Variants in ANKFN1 observed in about 807,000 individuals in gnomAD.
The protein encoded by ANKFN1 is ankyrin repeat and fibronectin type-III domain-containing protein 1.
A neutral mutation model predicts 108.7 loss-of-function variants in ANKFN1; 74 were observed. That is an observed-to-expected ratio of 0.68 (90% confidence interval 0.56 to 0.83). The LOEUF is 0.83. Among genes scored for constraint, ANKFN1 ranks in the 40% least tolerant of loss-of-function variants. ANKFN1 has a pLI of 0.00. For synonymous variants in ANKFN1, 547 were observed against 516.2 expected, an observed-to-expected ratio of 1.06 and a Z score of -0.81; for missense variants, 1,505 against 1,382.3, an observed-to-expected ratio of 1.09 and a Z score of -1.41.
chr17:56,495,266 G>C (rs764765304), intron 19 of ANKFN1, among the ~76,000 whole-genome samples: 1 of 152,070 alleles, frequency 6.6e-6, no homozygotes, highest in East Asian at 1.9e-4. Flanking sequence ...TAACTTCACT[G>C]AGTGGAGACA....
At chr17:56,317,253 A>C (rs28624210) in intron 3 of ANKFN1, among the ~76,000 whole-genome samples, 1 of 152,198 alleles carries the variant, frequency 6.6e-6, no homozygotes, top group Non-Finnish European at 1.5e-5. Context: ...TTTAAAAAAG[A>C]AAAAAGCCAG....
At chr17:56,194,541 A>C (rs1331196001) in intron 1 of ANKFN1, among the ~76,000 whole-genome samples, 1 of 152,212 alleles carries the variant, frequency 6.6e-6, no homozygotes, top group East Asian at 1.9e-4. Context: ...TTTCTGGAAA[A>C]GGCCGAACTA....
At chr17:56,086,405 CA>C (rs1905315123) in intron 4 of ANKFN1, among the ~76,000 whole-genome samples, 1 of 151,272 alleles carries the variant, frequency 6.6e-6, no homozygotes, top group Admixed American at 6.6e-5. Flanking sequence ...AACTCCATCT[CA>C]AAAATCAAAT....
intron 8 of ANKFN1, among the ~76,000 whole-genome samples, chr17:56,394,990 A>C (rs1310523696): frequency 6.6e-6 from 1 of 152,196 alleles, no homozygotes; most frequent in East Asian, 1.9e-4. Flanking sequence ...AATCACCCTC[A>C]AGTCTGGAAG....
intron 16 of ANKFN1, among the ~76,000 whole-genome samples, chr17:56,478,536 T>C (rs923500531): frequency 9.2e-5 from 14 of 152,310 alleles, no homozygotes; most frequent in Non-Finnish European, 1.5e-4. Flanking sequence ...TCTGGAAACT[T>C]GCTCTACAGT....
chr17:56,467,001 C>G (rs1339263474), intron 15 of ANKFN1, among the ~76,000 whole-genome samples: 3 of 152,062 alleles, frequency 2.0e-5, no homozygotes, highest in Non-Finnish European at 2.9e-5. Context: ...CTTATAATCT[C>G]AGCTGCTTGG....
intron 8 of ANKFN1, among the ~76,000 whole-genome samples, chr17:56,411,672 A>C (rs918131939): frequency 3.3e-5 from 5 of 151,996 alleles, no homozygotes; most frequent in Non-Finnish European, 5.9e-5. Flanking sequence ...TTCTATACTG[A>C]TTTTGTGGAG....
intron 8 of ANKFN1, among the ~76,000 whole-genome samples, chr17:56,434,338 T>C (rs571273698): frequency 4.7e-5 from 7 of 148,130 alleles, no homozygotes; most frequent in Non-Finnish European, 5.9e-5. Context: ...TTTGCTTTAA[T>C]CTTCTAGAAG....
chr17:56,405,663 A>T (rs988441420), intron 8 of ANKFN1, among the ~76,000 whole-genome samples: 1 of 152,250 alleles, frequency 6.6e-6, no homozygotes, highest in Non-Finnish European at 1.5e-5. Flanking sequence ...TCTTTCAATT[A>T]GGAACTAATT....
chr17:56,448,971 C>A, intron 10 of ANKFN1, 108 bp from the exon 11 acceptor site: 1 of 840,626 alleles, frequency 1.2e-6, no homozygotes, highest in Non-Finnish European at 1.9e-6. Context: ...GGTGCTCATC[C>A]GCAGAGACTG....
At chr17:56,368,242 C>T in intron 6 of ANKFN1, 1 of 680,504 alleles carries the variant, frequency 1.5e-6, no homozygotes, top group Non-Finnish European at 2.1e-6. Context: ...GTATAAAACA[C>T]CATGAAAACA....
At chr17:56,195,201 A>G (rs1326462064) in intron 1 of ANKFN1, 1 of 152,214 alleles carries the variant, frequency 6.6e-6, no homozygotes, top group Non-Finnish European at 1.5e-5. Flanking sequence ...CGGAAGTTGA[A>G]TGGCTTTTTT....
At chr17:56,267,778 G>T (rs768234083) in intron 3 of ANKFN1, among the ~76,000 whole-genome samples, 36 of 152,266 alleles carry the variant, frequency 2.4e-4, no homozygotes, top group Non-Finnish European at 4.4e-4. Flanking sequence ...CCAGTATCAT[G>T]CTGTGTTGGT....
chr17:56,366,227 G>C (rs957714501), intron 6 of ANKFN1, among the ~76,000 whole-genome samples: 1 of 152,064 alleles, frequency 6.6e-6, no homozygotes, highest in Non-Finnish European at 1.5e-5. Flanking sequence ...TTGTACAGTG[G>C]TACTGTTTGT....
At chr17:56,467,772 A>C (rs1172068984) in intron 15 of ANKFN1, among the ~76,000 whole-genome samples, 1 of 18,330 alleles carries the variant, frequency 5.5e-5, no homozygotes, top group African/African-American at 1.3e-4. Context: ...AGAAAGAAAG[A>C]AAGAAAGAAA....
chr17:56,174,212 G>T lies in ANKFN1; in HGVS notation c.-71+20682G>T, dbSNP rs1435365149. 5.1e-6 allele frequency: 5 copies of T among 985,444 alleles called. No individual in the cohort carries two copies. In the South Asian group the frequency reaches 1.4e-4, roughly 28 times the overall value. 61.0% of individuals were successfully genotyped at this position (985,444 alleles called of 1,614,324 possible). Reference sequence around the variant, plus strand: ...GGCCACAGAGCCAGATGCCTGCAGGGTTCTCTCTTTGCCAGCAGCTCTTCA... The same window carrying T: ...GGCCACAGAGCCAGATGCCTGCAGGTTTCTCTCTTTGCCAGCAGCTCTTCA... On this transcript the variant is annotated intron_variant, in intron 1 of 20. Transcript: ENST00000682825.
At chr17:56,482,596 T>TC (rs755162475) in intron 18 of ANKFN1, 72 bp downstream of exon 18, 1 of 1,518,774 alleles carries the variant, frequency 6.6e-7, no homozygotes, top group African/African-American at 1.4e-5. Context: ...TTATATCTGT[T>TC]CCCCCTTGTC....
intron 8 of ANKFN1, among the ~76,000 whole-genome samples, chr17:56,429,299 GA>G (rs1470386381): frequency 2.6e-5 from 4 of 152,222 alleles, no homozygotes; most frequent in African/African-American, 9.6e-5. Flanking sequence ...TAGAACGGTA[GA>G]AGGGGGGCTT....
intron 4 of ANKFN1, among the ~76,000 whole-genome samples, chr17:56,105,228 G>A (rs150536824): frequency 4.3e-4 from 66 of 152,278 alleles, no homozygotes; most frequent in African/African-American, 1.3e-3. Flanking sequence ...CAATAGTCAA[G>A]GAGCATGGAT....
Sources: gnomAD v4.1 joint callset for allele counts (sites outside exome capture counted in the v4.1 genomes callset) on GRCh38, gnomAD v4.1.1 for gene constraint, MANE v1.5 for transcripts, NCBI Gene and HGNC (gene_info 2026-07-23, HGNC 2026-07-21) for gene names.